The following PLCXD1 variants were observed in gnomAD, a reference collection of about 807,000 sequenced individuals.
PLCXD1 encodes phosphatidylinositol specific phospholipase C X domain containing 1, also known as PI-PLC X domain-containing protein 1.
In PLCXD1, 45 loss-of-function variants were observed where a neutral mutation model predicts 37.8. The ratio of observed to expected loss-of-function variants is 1.19; its 90% CI spans 0.94 to 1.53. The LOEUF is 1.53. PLCXD1 is among the 40% of genes most tolerant of loss of function. PLCXD1 has a pLI of 0.00. For missense variants in PLCXD1, 539 were observed against 454.7 expected, an observed-to-expected ratio of 1.19 and a Z score of -1.69; for synonymous variants, 246 against 206.9, an observed-to-expected ratio of 1.19 and a Z score of -1.62.
rs182868213 is a variant in PLCXD1 at position 293,558 on chromosome X, G to A, written c.733+340G>A. 4.9e-4 allele frequency among the ~76,000 whole-genome samples: 75 copies of A among 152,260 alleles called. No homozygotes were observed. The East Asian group carries it at 6.2e-3, about 13-fold the overall frequency. On this transcript the variant is annotated intron_variant, in intron 6 of 6. Coordinates refer to ENST00000381657, the MANE Select transcript of PLCXD1 (RefSeq NM_018390.4). The stretch of plus-strand genomic sequence containing the variant: ...GCAGATCACCTGAGGTCGGGAGTTC[G>A]AGACCGGCCTGACCAATGTGATGAA...
At chrX:291,200 CAGTGG>C (rs1289822070) in intron 4 of PLCXD1, among the ~76,000 whole-genome samples, 4 of 150,406 alleles carry the variant, frequency 2.7e-5, no homozygotes, top group Non-Finnish European at 5.9e-5. Flanking sequence ...GGCTGGAGTG[CAGTGG>C]TGCAATCTCA....
Position 293,091 on chromosome X carries a change from T to C in PLCXD1, c.606T>C (p.Tyr202=). 2 of 1,611,454 alleles carry C rather than the reference T, an allele frequency of 1.2e-6. No homozygotes were observed. Among genetic ancestry groups the C allele is most frequent in the Non-Finnish European group, 1.7e-6 (2 of 1,179,208 alleles). ...GGGGCCAACAGGTCATCGTCTCCTA[T>C]GAAGACGAGAGCTCCTTGCGCCGGC... ...WSRGQQVIVS[Y]EDESSLRRHH... Residue 202 remains tyrosine, a synonymous_variant, in exon 6 of 7, where the codon TAT becomes TAC. Coordinates refer to ENST00000381657, the MANE Select transcript of PLCXD1 (RefSeq NM_018390.4).
Position 299,675 on chromosome X carries a change from T to C in PLCXD1, c.*340T>C. ...GGGAGGCTCAGGCAGGAGAACTGCT[T>C]GAAGCCGGGAGATGGAGGTTGCATT... On this transcript the variant is annotated 3_prime_UTR_variant, in exon 7 of 7. Transcript: ENST00000381657. The C allele has an allele frequency of 2.4e-6, 1 of 416,358 alleles. No individual in the cohort carries two copies. Among genetic ancestry groups the C allele is most frequent in the Admixed American group, 4.0e-5 (1 of 24,708 alleles). The allele number at this position is 416,358 out of a possible 1,614,324, so 25.8% of individuals were successfully genotyped here.
rs2070070073 is a variant in PLCXD1, at chrX:303,190, C to T, written c.*3855C>T. 6.6e-6 allele frequency: 1 copy of T among 152,156 alleles called. No homozygotes were observed. The highest frequency in any genetic ancestry group is 2.4e-5 in the African/African-American group (1 of 41,444). The allele number at this position is 152,156 out of a possible 1,614,324, so 9.4% of individuals were successfully genotyped here. The stretch of plus-strand genomic sequence containing the variant: ...CCACAACCGGCGGCTACCTCAGCCC[C>T]ACGGCTCTGCAGGATCAGGGCTCGG... On this transcript the variant is annotated 3_prime_UTR_variant, in exon 7 of 7. Coordinates refer to ENST00000381657, the MANE Select transcript of PLCXD1 (RefSeq NM_018390.4).
At position 299,110 on chromosome X, in the gene PLCXD1, G is replaced by A. The variant is rs933476284; in HGVS notation, c.747G>A (p.Val249=). Residue 249 remains valine (V), a synonymous_variant, in exon 7 of 7, where the codon GTG becomes GTA. Transcript: ENST00000381657. ...TCACCGTTGCAGGAGGGTTGTTCGT[G>A]GCCGGCATCAACCTCACGGAGAACC... The part of the protein sequence containing the change: ...KSCGRPGGLF[V]AGINLTENLQ... 5.4e-5 allele frequency: 87 copies of A among 1,613,608 alleles called. No individual in the cohort carries two copies. The highest frequency in any genetic ancestry group is 7.3e-5 in the Non-Finnish European group (86 of 1,179,678).
intron 6 of PLCXD1, among the ~76,000 whole-genome samples, chrX:295,287 G>A (rs1445183881): frequency 1.3e-5 from 2 of 152,076 alleles, no homozygotes; most frequent in Non-Finnish European, 2.9e-5. Context: ...CGTGTCCTCC[G>A]GAGGCAGGAG....
rs772988947 is a variant in PLCXD1, at chrX:299,257, C to T, written c.894C>T (p.Ile298=). Residue 298 remains isoleucine (I), a synonymous_variant, in exon 7 of 7, where the codon ATC becomes ATT. Transcript: ENST00000381657. ...GGCCGGGTTCACGGTGCACCAACAT[C>T]ATCGCGGGGGACTTCATCGGCGCAG... ...CPGPGSRCTN[I]IAGDFIGADG... is the part of the protein sequence containing the mutation. 38 of 1,613,818 alleles carry T rather than the reference C, an allele frequency of 2.4e-5. No individual in the cohort carries two copies. The highest frequency in any genetic ancestry group is 1.0e-4 in the Admixed American group (6 of 59,978).
At position 286,103 on chromosome X, in the gene PLCXD1, C is replaced by T. The variant is rs766104796; in HGVS notation, c.127+1789C>T. On this transcript the variant is annotated intron_variant, in intron 2 of 6. Coordinates refer to ENST00000381657, the MANE Select transcript of PLCXD1 (RefSeq NM_018390.4). ...TTTTGAGACGGAGTTTTGCTCTTAT[C>T]GCCCAGGCTCGAGTGCAGTGGCTCC... Among the ~76,000 whole-genome samples, 127 of 151,442 alleles carry T rather than the reference C, an allele frequency of 8.4e-4. 3 individuals carry two copies. Among genetic ancestry groups the T allele is most frequent in the South Asian group, 4.0e-3 (19 of 4,802 alleles).
chrX:278,268 G>A (rs977264851), upstream of PLCXD1, among the ~76,000 whole-genome samples: 3 of 152,076 alleles, frequency 2.0e-5, no homozygotes, highest in African/African-American at 7.3e-5. Context: ...ACTGTGACGG[G>A]GGAAGGGACT....
chrX:293,023 G>C lies in PLCXD1; in HGVS notation c.550-12G>C. 6.3e-7 allele frequency: 1 copy of C among 1,597,654 alleles called. No homozygotes were observed. Among genetic ancestry groups the C allele is most frequent in the Non-Finnish European group, 8.5e-7 (1 of 1,170,036 alleles). On this transcript the variant is annotated splice_polypyrimidine_tract_variant and intron_variant, in intron 5 of 6. Transcript: ENST00000381657. ...TCTCTCCCCTGCACCCCTTAACTCT[G>C]GTCCTTTGCAGGAGGTGCCGACACT... is the stretch of plus-strand genomic sequence containing the variant.
intron 3 of PLCXD1, among the ~76,000 whole-genome samples, chrX:289,646 G>C (rs1338661841): frequency 1.3e-5 from 2 of 151,434 alleles, no homozygotes; most frequent in Non-Finnish European, 2.9e-5. Flanking sequence ...TGAGTAGCTG[G>C]GACTACAGGC....
Position 284,287 on chromosome X carries a change from G to A in PLCXD1, c.100G>A (p.Val34Met), listed in dbSNP as rs1344663907. The A allele has an allele frequency of 5.0e-6, 8 of 1,613,300 alleles. No individual in the cohort carries two copies. The highest frequency in any genetic ancestry group is 6.8e-6 in the Non-Finnish European group (8 of 1,179,850). ...MSALCPRLWD[V>M]PLHHLSIPGS... ...GGCACTGTGTCCCCGGCTCTGGGATGTGCCCCTCCACCACCTCTCCATCCC... is the reference window on the plus strand; with the variant it reads ...GGCACTGTGTCCCCGGCTCTGGGATATGCCCCTCCACCACCTCTCCATCCC... Residue 34 changes from valine (V) to methionine (M), a missense_variant, in exon 2 of 7, where the codon GTG (valine) becomes ATG (methionine). Transcript: ENST00000381657.
Position 291,767 on chromosome X carries a change from G to GTA in PLCXD1, c.549+113_549+114insTA. 7 of 1,206,802 alleles carry GTA rather than the reference G, an allele frequency of 5.8e-6. No homozygotes were observed. In the East Asian group the frequency reaches 1.6e-4, roughly 28 times the overall value. The allele number at this position is 1,206,802 out of a possible 1,614,324, so 74.8% of individuals were successfully genotyped here. ...TGCTGCCATGATTCCTGTAGCAGGTGAAGCCGTCGAACGGGGGCTGCCTGC... is the reference window on the plus strand; with the variant it reads ...TGCTGCCATGATTCCTGTAGCAGGTGTAAAGCCGTCGAACGGGGGCTGCCTGC... On this transcript the variant is annotated intron_variant, in intron 5 of 6. Coordinates refer to ENST00000381657, the MANE Select transcript of PLCXD1 (RefSeq NM_018390.4).
rs2069997483 is a variant in PLCXD1, at chrX:300,862, C to T, written c.*1527C>T. 1 of 152,134 alleles carries T rather than the reference C, an allele frequency of 6.6e-6. No individual in the cohort carries two copies. The highest frequency in any genetic ancestry group is 2.4e-5 in the African/African-American group (1 of 41,408). The allele number at this position is 152,134 out of a possible 1,614,324, so 9.4% of individuals were successfully genotyped here. A position where few individuals can be genotyped will look rare whatever the true frequency, so the allele number is the denominator to read the frequency against. ...GGGATGACAGGCATGTGCCACCACA[C>T]CCGACTAATTTCATATATTTAGTAG... On this transcript the variant is annotated 3_prime_UTR_variant, in exon 7 of 7. Coordinates refer to ENST00000381657, the MANE Select transcript of PLCXD1 (RefSeq NM_018390.4).
At chrX:299,025 T>C (rs1269661509) in intron 6 of PLCXD1, 72 bp from the exon 7 acceptor site, 45 of 1,123,022 alleles carry the variant, frequency 4.0e-5, no homozygotes, top group Non-Finnish European at 5.9e-5. Context: ...CCTCTAATAA[T>C]GTGACTAGGA....
chrX:292,267 A>AAC (rs1444521057), intron 5 of PLCXD1, among the ~76,000 whole-genome samples: 1 of 151,932 alleles, frequency 6.6e-6, no homozygotes, highest in East Asian at 2.0e-4. Flanking sequence ...CATCCTGGCT[A>AAC]ACACGGTGAA....
Position 290,736 on chromosome X carries a change from T to G in PLCXD1, c.353T>G (p.Leu118Arg), listed in dbSNP as rs1221719779. 6.2e-7 allele frequency: 1 copy of G among 1,613,572 alleles called. No homozygotes were observed. Among genetic ancestry groups the G allele is most frequent in the Non-Finnish European group, 8.5e-7 (1 of 1,179,812 alleles). The change falls in exon 4 of 7, where the codon CTG (leucine) becomes CGG (arginine). Residue 118 changes from leucine (L) to arginine (R), a missense_variant. Coordinates refer to ENST00000381657, the MANE Select transcript of PLCXD1 (RefSeq NM_018390.4). Reference sequence around the variant, plus strand: ...ATGCTGGAGGGCTCGGAGAAGAACCTGCACTTTGTCCATATGGTGTACACA... The same window carrying G: ...ATGCTGGAGGGCTCGGAGAAGAACCGGCACTTTGTCCATATGGTGTACACA... ...AHMLEGSEKN[L>R]HFVHMVYTTA...
rs1229013094 is a variant in PLCXD1 at position 284,438 on chromosome X, G to A, written c.127+124G>A. On this transcript the variant is annotated intron_variant, in intron 2 of 6. Transcript: ENST00000381657. Reference sequence around the variant, plus strand: ...CTGTAGGAGCAATCCTGGGTGTAGGGAAATCCTAGAAAGCACACTGATGTG... The same window carrying A: ...CTGTAGGAGCAATCCTGGGTGTAGGAAAATCCTAGAAAGCACACTGATGTG... The A allele has an allele frequency of 4.8e-6, 5 of 1,037,276 alleles. No individual in the cohort carries two copies. The African/African-American group carries it at 6.3e-5, about 13-fold the overall frequency. The allele number at this position is 1,037,276 out of a possible 1,614,324, so 64.3% of individuals were successfully genotyped here. A position where few individuals can be genotyped will look rare whatever the true frequency, so the allele number is the denominator to read the frequency against.
At position 299,403 on chromosome X, in the gene PLCXD1, T is replaced by A. The variant is rs1223082908; in HGVS notation, c.*68T>A. On this transcript the variant is annotated 3_prime_UTR_variant, in exon 7 of 7. Transcript: ENST00000381657. ...CCCCCGAATTTCCAAGTATTGTGACTTTGTTTGGGCCAAATGTTGGTGATC... is the reference window on the plus strand; with the variant it reads ...CCCCCGAATTTCCAAGTATTGTGACATTGTTTGGGCCAAATGTTGGTGATC... 1.3e-5 allele frequency: 15 copies of A among 1,117,850 alleles called. No homozygotes were observed. Among genetic ancestry groups the A allele is most frequent in the Middle Eastern group, 2.1e-4 (1 of 4,714 alleles). The allele number at this position is 1,117,850 out of a possible 1,614,324, so 69.2% of individuals were successfully genotyped here.
Sources: gnomAD v4.1 joint callset for allele counts (sites outside exome capture counted in the v4.1 genomes callset) on GRCh38, gnomAD v4.1.1 for gene constraint, MANE v1.5 for transcripts, NCBI Gene and HGNC (gene_info 2026-07-23, HGNC 2026-07-21) for gene names.